Variants in RBMS2 observed in about 807,000 individuals in gnomAD.
RBMS2 encodes RNA-binding motif, single-stranded-interacting protein 2.
In RBMS2, 38 loss-of-function variants were observed where a neutral mutation model predicts 58.4. The ratio of observed to expected loss-of-function variants is 0.65; its 90% CI spans 0.50 to 0.85. The LOEUF (loss-of-function observed/expected upper bound fraction) is 0.85, where lower values mean the gene tolerates loss of function less well. RBMS2 is among the 40% of genes least tolerant of loss of function. RBMS2 has a pLI of 0.00. For synonymous variants in RBMS2, 151 were observed against 180.7 expected (o/e 0.84, Z 1.32); for missense variants, 367 against 503.7 (o/e 0.73, Z 2.60).
chr12:56,547,647 C>A (rs959551240), intron 1 of RBMS2, among the ~76,000 whole-genome samples: 2 of 130,716 alleles, frequency 1.5e-5, no homozygotes, highest in African/African-American at 5.0e-5. Flanking sequence ...TGCTACTTTT[C>A]TTTTCTTTTT....
chr12:56,529,262 G>A (rs1371160942), intron 1 of RBMS2, among the ~76,000 whole-genome samples: 2 of 152,090 alleles, frequency 1.3e-5, no homozygotes, highest in Non-Finnish European at 2.9e-5. Context: ...AATAAGGAAT[G>A]GGGTACTAGG....
intron 5 of RBMS2, 55 bp from the exon 6 acceptor site, chr12:56,581,129 G>T (rs1047726731): frequency 1.1e-5 from 16 of 1,402,888 alleles, no homozygotes; most frequent in Non-Finnish European, 1.5e-5. Flanking sequence ...CTTTCAATGT[G>T]TGGAGAGCAC....
intron 2 of RBMS2, among the ~76,000 whole-genome samples, chr12:56,563,168 T>C (rs1297484284): frequency 1.3e-5 from 2 of 152,144 alleles, no homozygotes; most frequent in Non-Finnish European, 2.9e-5. Flanking sequence ...TGATATATAT[T>C]ATAAAGCCTT....
chr12:56,523,059 C>A (rs955380543), intron 1 of RBMS2, among the ~76,000 whole-genome samples: 8 of 152,096 alleles, frequency 5.3e-5, no homozygotes, highest in African/African-American at 1.7e-4. Context: ...CCTAATGAGA[C>A]CATTAGAGGT....
chr12:56,574,997 A>C (rs1422902907), intron 5 of RBMS2, among the ~76,000 whole-genome samples: 1 of 151,888 alleles, frequency 6.6e-6, no homozygotes, highest in East Asian at 1.9e-4. Flanking sequence ...AAATACAAAA[A>C]ATTAGCCGGG....
chr12:56,541,126 G>A (rs908026106), intron 1 of RBMS2, among the ~76,000 whole-genome samples: 5 of 147,406 alleles, frequency 3.4e-5, no homozygotes, highest in East Asian at 2.0e-4. Context: ...CCCCAAAACC[G>A]CTAAGTCTCT....
chr12:56,544,908 T>C (rs1716102671), intron 1 of RBMS2, among the ~76,000 whole-genome samples: 1 of 151,934 alleles, frequency 6.6e-6, no homozygotes, highest in Non-Finnish European at 1.5e-5. Context: ...TCACATTTTT[T>C]TAAACTATGT....
rs1885338225 is a variant in RBMS2 at position 56,592,013 on chromosome 12, T to C, written c.*2880T>C. 6.6e-6 allele frequency: 1 copy of C among 152,174 alleles called. No homozygotes were observed. The highest frequency in any genetic ancestry group is 1.5e-5 in the Non-Finnish European group (1 of 68,034). The allele number at this position is 152,174 out of a possible 1,614,324, so 9.4% of individuals were successfully genotyped here. On this transcript the variant is annotated 3_prime_UTR_variant, in exon 14 of 14. Transcript: ENST00000262031. Reference sequence around the variant, plus strand: ...TTTCCTCTCCTAATTGTTAGTTCATTTGTAACAGTGGGTGAGTGTTTGGAG... The same window carrying C: ...TTTCCTCTCCTAATTGTTAGTTCATCTGTAACAGTGGGTGAGTGTTTGGAG...
chr12:56,575,583 AT>A (rs199950517), intron 5 of RBMS2, among the ~76,000 whole-genome samples: 49 of 147,600 alleles, frequency 3.3e-4, no homozygotes, highest in Middle Eastern at 3.5e-3. Flanking sequence ...AAAAAGGGCT[AT>A]TTTTTTTTAA....
Position 56,534,704 on chromosome 12 carries a change from C to T in RBMS2, c.66+12615C>T, listed in dbSNP as rs147916141. 8.3e-4 allele frequency among the ~76,000 whole-genome samples: 127 copies of T among 152,240 alleles called. 1 individual carries two copies. In the Middle Eastern group the frequency reaches 0.01, roughly 12 times the overall value. On this transcript the variant is annotated intron_variant, in intron 1 of 13. Transcript: ENST00000262031. ...TCGCCCAGGCTGGAGTGCAGTGGCA[C>T]GTTCTCGGCTCACTGCAACCTCCGC... is the stretch of plus-strand genomic sequence containing the variant.
chr12:56,561,068 CA>C (rs1455645803), intron 1 of RBMS2, among the ~76,000 whole-genome samples: 2 of 152,188 alleles, frequency 1.3e-5, no homozygotes, highest in Admixed American at 6.6e-5. Context: ...CCTCCAGCTC[CA>C]ACCATGTTCC....
At chr12:56,581,733 A>T in intron 7 of RBMS2, 100 bp from the exon 8 acceptor site, 1 of 1,423,858 alleles carries the variant, frequency 7.0e-7, no homozygotes. Flanking sequence ...TCTAGGCTTT[A>T]ATTTGTTAAA....
At chr12:56,544,878 G>A (rs1876867854) in intron 1 of RBMS2, among the ~76,000 whole-genome samples, 1 of 149,894 alleles carries the variant, frequency 6.7e-6, no homozygotes, top group Non-Finnish European at 1.5e-5. Context: ...CTAGGCATGA[G>A]GCACCACACC....
At position 56,530,740 on chromosome 12, in the gene RBMS2, A is replaced by G. The variant is rs920370257; in HGVS notation, c.66+8651A>G. Among the ~76,000 whole-genome samples the G allele has an allele frequency of 3.3e-5, 5 of 152,320 alleles. No homozygotes were observed. In the East Asian group the frequency reaches 7.7e-4, roughly 23 times the overall value. On this transcript the variant is annotated intron_variant, in intron 1 of 13. Coordinates refer to ENST00000262031, the MANE Select transcript of RBMS2 (RefSeq NM_002898.4). ...ACCAGTTACTTGGTACTTATTCTCA[A>G]AATATGCATATTCACGTCCCTCCAA...
chr12:56,568,939 C>A lies in RBMS2; in HGVS notation c.234-36C>A, dbSNP rs199662161. The A allele has an allele frequency of 5.8e-6, 9 of 1,540,190 alleles. No homozygotes were observed. In the Admixed American group the frequency reaches 1.3e-4, roughly 23 times the overall value. ...CTCTGTCCTATTCTTAGTCTCTGCC[C>A]CCCAGATTATTACTTTGCATTTTCC... On this transcript the variant is annotated intron_variant, in intron 2 of 13. Coordinates refer to ENST00000262031, the MANE Select transcript of RBMS2 (RefSeq NM_002898.4).
chr12:56,530,146 G>A (rs774213), intron 1 of RBMS2, among the ~76,000 whole-genome samples: 3 of 151,972 alleles, frequency 2.0e-5, no homozygotes, highest in South Asian at 2.1e-4. Context: ...GGGCTCAAGC[G>A]ATCCTCCTGC....
intron 1 of RBMS2, among the ~76,000 whole-genome samples, chr12:56,531,374 T>C (rs1873688600): frequency 6.6e-6 from 1 of 152,182 alleles, no homozygotes; most frequent in Non-Finnish European, 1.5e-5. Context: ...AGCATTATGT[T>C]CTATACAAAC....
At chr12:56,563,048 T>C (rs545366991) in intron 2 of RBMS2, among the ~76,000 whole-genome samples, 1 of 152,202 alleles carries the variant, frequency 6.6e-6, no homozygotes, top group East Asian at 1.9e-4. Context: ...GTGTGAACCC[T>C]GGAGGCTGAG....
intron 1 of RBMS2, among the ~76,000 whole-genome samples, chr12:56,545,540 A>G (rs1877003792): frequency 6.6e-6 from 1 of 152,154 alleles, no homozygotes; most frequent in Non-Finnish European, 1.5e-5. Context: ...ATTATCCCCA[A>G]AAGGAAATCC....
Sources: allele counts gnomAD v4.1 joint callset (sites outside exome capture counted in the v4.1 genomes callset), GRCh38; gene constraint gnomAD v4.1.1; transcripts MANE v1.5; gene names NCBI Gene and HGNC (gene_info 2026-07-23, HGNC 2026-07-21).